The following AUTS2 variants were observed in gnomAD, a reference collection of about 807,000 sequenced individuals.
AUTS2 encodes the protein autism susceptibility gene 2 protein.
In AUTS2, 17 loss-of-function variants were observed where a neutral mutation model predicts 112.4. The ratio of observed to expected loss-of-function variants is 0.15; its 90% confidence interval spans 0.10 to 0.23. The LOEUF (loss-of-function observed/expected upper bound fraction) is 0.23. Ranked by LOEUF, AUTS2 falls within the 10% of genes least tolerant of loss-of-function variation. AUTS2 has a pLI of 1.00. For synonymous variants in AUTS2, 751 were observed against 702.7 expected (o/e 1.07, Z -1.09); for missense variants, 1,510 against 1,701.6 (o/e 0.89, Z 1.98).
intron 5 of AUTS2, among the ~76,000 whole-genome samples, chr7:70,639,778 G>A (rs964057903): frequency 8.6e-5 from 13 of 151,242 alleles, no homozygotes; most frequent in African/African-American, 2.7e-4. Context: ...TTTTCTTTCT[G>A]AGGGGACTAT....
chr7:70,715,632 A>G (rs1265181320), intron 6 of AUTS2, among the ~76,000 whole-genome samples: 4 of 151,514 alleles, frequency 2.6e-5, no homozygotes, highest in Non-Finnish European at 5.9e-5. Flanking sequence ...CCTGGACTCT[A>G]GTGATTCTCC....
chr7:69,889,217 A>T (rs1794412825), intron 1 of AUTS2, among the ~76,000 whole-genome samples: 2 of 152,178 alleles, frequency 1.3e-5, no homozygotes, highest in African/African-American at 4.8e-5. Context: ...ATTCTTTTAT[A>T]AACAGGTTAC....
chr7:69,958,478 G>C (rs1339167867), intron 2 of AUTS2, among the ~76,000 whole-genome samples: 1 of 152,072 alleles, frequency 6.6e-6, no homozygotes, highest in African/African-American at 2.4e-5. Context: ...ACTTCCATCA[G>C]GGCCAAGTGG....
intron 4 of AUTS2, among the ~76,000 whole-genome samples, chr7:70,187,895 A>T (rs1159179483): frequency 6.6e-6 from 1 of 150,762 alleles, no homozygotes; most frequent in Non-Finnish European, 1.5e-5. Context: ...GATATTTATG[A>T]AGATCAGCCC....
chr7:70,203,344 TAAA>T (rs1229996091), intron 4 of AUTS2, among the ~76,000 whole-genome samples: 5 of 110,524 alleles, frequency 4.5e-5, no homozygotes, highest in South Asian at 6.7e-4. Context: ...TAGAGTATAA[TAAA>T]AAAAAAAAAA....
At chr7:70,018,278 T>C (rs1800121048) in intron 2 of AUTS2, among the ~76,000 whole-genome samples, 1 of 152,170 alleles carries the variant, frequency 6.6e-6, no homozygotes, top group African/African-American at 2.4e-5. Context: ...TCGCTGACTT[T>C]TATGTTCAGT....
chr7:70,541,737 A>G (rs1280204127), intron 5 of AUTS2, among the ~76,000 whole-genome samples: 1 of 152,220 alleles, frequency 6.6e-6, no homozygotes, highest in African/African-American at 2.4e-5. Flanking sequence ...ATCCAGGGTG[A>G]CAGCACAAAA....
intron 1 of AUTS2, among the ~76,000 whole-genome samples, chr7:69,682,360 C>G (rs1235701279): frequency 6.6e-6 from 1 of 152,224 alleles, no homozygotes; most frequent in African/African-American, 2.4e-5. Context: ...TTGTCCTACA[C>G]TTAATGACTG....
chr7:70,004,196 A>G (rs1336293545), intron 2 of AUTS2, among the ~76,000 whole-genome samples: 2 of 134,548 alleles, frequency 1.5e-5, no homozygotes, highest in African/African-American at 2.7e-5. Flanking sequence ...ATGTGAATAT[A>G]TATTATATAT....
chr7:70,239,831 A>C (rs1210028862), intron 4 of AUTS2, among the ~76,000 whole-genome samples: 1 of 152,050 alleles, frequency 6.6e-6, no homozygotes, highest in Non-Finnish European at 1.5e-5. Context: ...TTGCACACCT[A>C]CTCTCTGTAA....
chr7:70,692,857 A>G (rs1335312831), intron 5 of AUTS2, among the ~76,000 whole-genome samples: 3 of 151,810 alleles, frequency 2.0e-5, no homozygotes, highest in Non-Finnish European at 4.4e-5. Context: ...AGGAGTGGCC[A>G]TCATTACTTT....
intron 4 of AUTS2, among the ~76,000 whole-genome samples, chr7:70,203,963 TAAA>T (rs34646200): frequency 1.3e-3 from 186 of 138,966 alleles, no homozygotes; most frequent in African/African-American, 4.5e-3. Flanking sequence ...TTTTAAGCCT[TAAA>T]AAAAAAAAAA....
chr7:70,154,765 A>T (rs1807647338), intron 4 of AUTS2, among the ~76,000 whole-genome samples: 1 of 152,236 alleles, frequency 6.6e-6, no homozygotes, highest in African/African-American at 2.4e-5. Flanking sequence ...GGAGTGCAGC[A>T]CATGGTAACC....
intron 2 of AUTS2, among the ~76,000 whole-genome samples, chr7:69,993,294 AC>A (rs1798813935): frequency 6.6e-6 from 1 of 152,158 alleles, no homozygotes; most frequent in South Asian, 2.1e-4. Context: ...TAGTCATCCC[AC>A]TATACCCTTT....
intron 2 of AUTS2, among the ~76,000 whole-genome samples, chr7:70,108,498 C>T (rs1178356814): frequency 6.6e-6 from 1 of 151,994 alleles, no homozygotes; most frequent in Non-Finnish European, 1.5e-5. Flanking sequence ...CATGGCTAAT[C>T]TTACTTCCTC....
chr7:70,754,710 A>G (rs1247652050), intron 6 of AUTS2, among the ~76,000 whole-genome samples: 4 of 152,220 alleles, frequency 2.6e-5, no homozygotes, highest in Non-Finnish European at 5.9e-5. Context: ...TTGGACAGTA[A>G]CGAGAGAAGC....
intron 1 of AUTS2, among the ~76,000 whole-genome samples, chr7:69,797,277 G>A (rs1311646160): frequency 6.6e-6 from 1 of 152,072 alleles, no homozygotes; most frequent in Non-Finnish European, 1.5e-5. Flanking sequence ...GTATTACCTG[G>A]GGGGACATGT....
intron 5 of AUTS2, among the ~76,000 whole-genome samples, chr7:70,483,117 A>G (rs1797854786): frequency 6.6e-6 from 1 of 152,136 alleles, no homozygotes; most frequent in African/African-American, 2.4e-5. Context: ...AGATGGGCAC[A>G]TCACCTCTCT....
At chr7:69,600,749 A>C (rs1205997158) in intron 1 of AUTS2, among the ~76,000 whole-genome samples, 1 of 152,078 alleles carries the variant, frequency 6.6e-6, no homozygotes, top group East Asian at 1.9e-4. Context: ...GTTAAAGGAC[A>C]GAAAAAGGTA....
Sources: allele counts gnomAD v4.1 joint callset (sites outside exome capture counted in the v4.1 genomes callset), GRCh38; gene constraint gnomAD v4.1.1; transcripts MANE v1.5; gene names NCBI Gene and HGNC (gene_info 2026-07-23, HGNC 2026-07-21).